EML4: variants seen among roughly 807,000 people sequenced by gnomAD.
EML4 encodes the protein echinoderm microtubule-associated protein-like 4.
In EML4, 72 loss-of-function variants were observed where a neutral mutation model predicts 129.0. The ratio of observed to expected loss-of-function variants is 0.56; its 90% CI spans 0.46 to 0.68. The LOEUF (loss-of-function observed/expected upper bound fraction) is 0.68, where lower values mean the gene tolerates loss of function less well. EML4 is among the 30% of genes least tolerant of loss of function. The pLI is 0.00. For missense variants in EML4, 1,363 were observed against 1,190.6 expected (o/e 1.14, Z -2.13); for synonymous variants, 532 against 405.0 (o/e 1.31, Z -3.77).
In EML4 at chr2:42,330,883, G is replaced by C. The variant is rs1393584616; in HGVS notation, c.*676G>C. ...CCCTTAATTTCTTGTGTGCAACTCT[G>C]TTTTATCCTAGAACTAAGAGAGCAT... is the stretch of plus-strand genomic sequence containing the variant. On this transcript the variant is annotated 3_prime_UTR_variant, in exon 23 of 23. Transcript: ENST00000318522. 1 of 205,116 alleles carries C rather than the reference G, an allele frequency of 4.9e-6. No homozygotes were observed. Among genetic ancestry groups the C allele is most frequent in the Admixed American group, 5.8e-5 (1 of 17,324 alleles). 12.7% of individuals were successfully genotyped at this position (205,116 alleles called of 1,614,324 possible).
At chr2:42,279,510 T>C (rs1052086447) in intron 6 of EML4, among the ~76,000 whole-genome samples, 1 of 151,410 alleles carries the variant, frequency 6.6e-6, no homozygotes, top group Non-Finnish European at 1.5e-5. Flanking sequence ...CAGGCTGGAG[T>C]GCAGTGGCGC....
At chr2:42,266,061 T>C (rs1666047055) in intron 6 of EML4, among the ~76,000 whole-genome samples, 1 of 152,250 alleles carries the variant, frequency 6.6e-6, no homozygotes, top group Non-Finnish European at 1.5e-5. Context: ...TGTTCTATTA[T>C]AGTAACCAGC....
rs1201026239 is a variant in EML4 at position 42,264,925 on chromosome 2, T to C, written c.667+194T>C. 7 of 1,550,366 alleles carry C rather than the reference T, an allele frequency of 4.5e-6. No homozygotes were observed. In the East Asian group the frequency reaches 1.2e-4, roughly 27 times the overall value. ...TCATTTTTGTCTCAACCAGCAAAAA[T>C]GTCAACTCGCGAAAAAAACAGCCAA... On this transcript the variant is annotated intron_variant, in intron 6 of 22. Transcript: ENST00000318522.
At chr2:42,281,529 A>G (rs1262760987) in intron 7 of EML4, among the ~76,000 whole-genome samples, 2 of 152,360 alleles carry the variant, frequency 1.3e-5, no homozygotes, top group South Asian at 2.1e-4. Context: ...TAGAAAAGGC[A>G]CTAGACTGGA....
At chr2:42,218,917 G>A (rs781339005) in intron 1 of EML4, among the ~76,000 whole-genome samples, 1 of 152,154 alleles carries the variant, frequency 6.6e-6, no homozygotes, top group Non-Finnish European at 1.5e-5. Context: ...TCCCATCTCA[G>A]CCTCGCAAGC....
Position 42,261,106 on chromosome 2 carries a change from T to A in EML4, c.339-15T>A, listed in dbSNP as rs143498074. ...TTTAAATGTGTATTGTTCCATGTTATACTTTATTTTACAGTGGTACAGAAA... is the reference window on the plus strand; with the variant it reads ...TTTAAATGTGTATTGTTCCATGTTAAACTTTATTTTACAGTGGTACAGAAA... On this transcript the variant is annotated splice_polypyrimidine_tract_variant and intron_variant, in intron 3 of 22. Transcript: ENST00000318522. 1 of 1,574,136 alleles carries A rather than the reference T, an allele frequency of 6.4e-7. No individual in the cohort carries two copies. The highest frequency in any genetic ancestry group is 8.7e-7 in the Non-Finnish European group (1 of 1,154,040).
At chr2:42,271,229 C>T (rs1414339077) in intron 6 of EML4, among the ~76,000 whole-genome samples, 4 of 152,198 alleles carry the variant, frequency 2.6e-5, no homozygotes, top group African/African-American at 9.6e-5. Flanking sequence ...TTTTAATAAC[C>T]TGTATAACCA....
intron 6 of EML4, among the ~76,000 whole-genome samples, chr2:42,279,787 A>T (rs963676120): frequency 3.3e-4 from 49 of 150,334 alleles, no homozygotes; most frequent in Non-Finnish European, 3.7e-4. Context: ...TTTTTTTATT[A>T]TTATTATTAT....
chr2:42,265,994 C>A (rs1342725232), intron 6 of EML4, among the ~76,000 whole-genome samples: 2 of 152,198 alleles, frequency 1.3e-5, no homozygotes, highest in African/African-American at 4.8e-5. Context: ...AAAGCACGTC[C>A]TTTCTGTGCA....
At chr2:42,207,718 A>T (rs1672645381) in intron 1 of EML4, among the ~76,000 whole-genome samples, 1 of 152,116 alleles carries the variant, frequency 6.6e-6, no homozygotes, top group African/African-American at 2.4e-5. Context: ...TCTGGTCTTC[A>T]CTCAGTTCTG....
At chr2:42,214,429 T>A (rs1673061048) in intron 1 of EML4, among the ~76,000 whole-genome samples, 2 of 145,218 alleles carry the variant, frequency 1.4e-5, no homozygotes, top group Non-Finnish European at 3.1e-5. Context: ...TATCCTAGAG[T>A]TTACAGCGGA....
At chr2:42,235,105 G>T (rs1318899629) in intron 1 of EML4, among the ~76,000 whole-genome samples, 1 of 152,132 alleles carries the variant, frequency 6.6e-6, no homozygotes, top group Non-Finnish European at 1.5e-5. Context: ...AGACAAGCCT[G>T]GCCAACATGG....
chr2:42,281,232 A>G (rs1666986699), intron 7 of EML4, among the ~76,000 whole-genome samples: 1 of 152,078 alleles, frequency 6.6e-6, no homozygotes, highest in African/African-American at 2.4e-5. Context: ...TCTCTACTAA[A>G]GATACAAAAA....
intron 1 of EML4, among the ~76,000 whole-genome samples, chr2:42,216,874 A>C (rs778298623): frequency 6.6e-6 from 1 of 152,150 alleles, no homozygotes; most frequent in Non-Finnish European, 1.5e-5. Flanking sequence ...TACCCCTCTG[A>C]CTCACACCCT....
At chr2:42,171,817 C>T (rs779163577) in intron 1 of EML4, among the ~76,000 whole-genome samples, 1 of 152,138 alleles carries the variant, frequency 6.6e-6, no homozygotes, top group Non-Finnish European at 1.5e-5. Context: ...TTCTGTCCCC[C>T]TTGCAAGAGT....
At chr2:42,181,102 G>A (rs1449814643) in intron 1 of EML4, among the ~76,000 whole-genome samples, 1 of 152,098 alleles carries the variant, frequency 6.6e-6, no homozygotes, top group East Asian at 1.9e-4. Context: ...TGATCACTTG[G>A]TGTCTGCTAG....
At chr2:42,255,274 A>G (rs1203788704) in intron 2 of EML4, among the ~76,000 whole-genome samples, 1 of 151,938 alleles carries the variant, frequency 6.6e-6, no homozygotes, top group Non-Finnish European at 1.5e-5. Context: ...TTTAGTAGAT[A>G]CAGGGTTTCA....
chr2:42,176,156 C>T (rs1249627185), intron 1 of EML4, among the ~76,000 whole-genome samples: 2 of 152,102 alleles, frequency 1.3e-5, no homozygotes, highest in African/African-American at 4.8e-5. Flanking sequence ...GACTGTATCA[C>T]CCAGTTTGAA....
chr2:42,312,269 C>G lies in EML4; in HGVS notation c.1968-3693C>G, dbSNP rs78514490. ...AATCAAAAATAAAATTCTAAGCCCC[C>G]CCCCACCATCGTCCCTGCCAGGGCA... On this transcript the variant is annotated intron_variant, in intron 17 of 22. Coordinates refer to ENST00000318522, the MANE Select transcript of EML4 (RefSeq NM_019063.5). 1.4e-3 allele frequency among the ~76,000 whole-genome samples: 211 copies of G among 152,008 alleles called. 6 individuals are homozygous for G. The East Asian group carries it at 0.021, about 15-fold the overall frequency.
Sources: allele counts gnomAD v4.1 joint callset (sites outside exome capture counted in the v4.1 genomes callset), GRCh38; gene constraint gnomAD v4.1.1; transcripts MANE v1.5; gene names NCBI Gene and HGNC (gene_info 2026-07-23, HGNC 2026-07-21).